Variants in FLNB observed in about 807,000 individuals in gnomAD.
The protein encoded by FLNB is filamin B.
FLNB carries 111 observed loss-of-function variants against 250.6 expected under a neutral mutation model. That is an observed-to-expected ratio of 0.44 (90% CI 0.38 to 0.52). FLNB has a LOEUF of 0.52. Among genes scored for constraint, FLNB ranks in the 20% least tolerant of loss-of-function variants. The probability of loss-of-function intolerance (pLI) is 0.00; values close to 1 mark genes in which losing one functional copy is unlikely to be tolerated. For missense variants in FLNB, 2,869 were observed against 3,447.8 expected (o/e 0.83, Z 4.20); for synonymous variants, 1,302 against 1,372.1 (o/e 0.95, Z 1.13).
At chr3:58,125,339 C>T (rs756181103) in intron 22 of FLNB, among the ~76,000 whole-genome samples, 7 of 152,042 alleles carry the variant, frequency 4.6e-5, no homozygotes, top group Admixed American at 6.6e-5. Context: ...CGCCATGTTG[C>T]CCAGGCTGGT....
Position 58,159,586 on chromosome 3 carries a change from C to A in FLNB, c.6921C>A (p.Ser2307=). The A allele has an allele frequency of 6.2e-7, 1 of 1,614,158 alleles. No homozygotes were observed. The highest frequency in any genetic ancestry group is 8.5e-7 in the Non-Finnish European group (1 of 1,180,028). The change falls in exon 42 of 46, where the codon TCC becomes TCA. Residue 2307 remains serine, a synonymous_variant. Coordinates refer to ENST00000295956, the MANE Select transcript of FLNB (RefSeq NM_001457.4). The part of the protein sequence containing the change: ...ESGLKVNQPA[S]FAIRLNGAKG... Reference sequence around the variant, plus strand: ...GATTAAAAGTTAACCAGCCAGCATCCTTTGCTATAAGGTTGAATGGCGCAA... The same window carrying A: ...GATTAAAAGTTAACCAGCCAGCATCATTTGCTATAAGGTTGAATGGCGCAA...
intron 20 of FLNB, among the ~76,000 whole-genome samples, chr3:58,122,182 A>T (rs1420093270): frequency 6.7e-6 from 1 of 149,088 alleles, no homozygotes; most frequent in Admixed American, 6.7e-5. Context: ...AAAAAAAAAA[A>T]AAAAACCACA....
intron 4 of FLNB, among the ~76,000 whole-genome samples, chr3:58,085,890 C>A (rs1044348620): frequency 6.6e-6 from 1 of 152,148 alleles, no homozygotes; most frequent in Non-Finnish European, 1.5e-5. Flanking sequence ...CCAACCCAAG[C>A]CCAGACCTTT....
rs758871764 is a variant in FLNB, at chr3:58,152,788, T to C, written c.6368-587T>C. 2.3e-6 allele frequency: 3 copies of C among 1,327,804 alleles called. No individual in the cohort carries two copies. In the African/African-American group the frequency reaches 4.4e-5, roughly 20 times the overall value. 82.3% of individuals were successfully genotyped at this position (1,327,804 alleles called of 1,614,324 possible). ...TCATACTGGCTCTAGGTGATGGCAG[T>C]GCTCCGTGCCCCGCATGCGGCCGCC... On this transcript the variant is annotated intron_variant, in intron 38 of 45. Transcript: ENST00000295956.
Position 58,037,431 on chromosome 3 carries a change from C to A in FLNB, c.292+28575C>A, listed in dbSNP as rs562452461. On this transcript the variant is annotated intron_variant, in intron 1 of 45. Transcript: ENST00000295956. Reference sequence around the variant, plus strand: ...GTGGGCTGCTAGCATTGGCTTCAACCTTCATATCAGCCAGCTAAAGCCCCT... The same window carrying A: ...GTGGGCTGCTAGCATTGGCTTCAACATTCATATCAGCCAGCTAAAGCCCCT... Among the ~76,000 whole-genome samples, 30 of 152,344 alleles carry A rather than the reference C, an allele frequency of 2.0e-4. No individual in the cohort carries two copies. The East Asian group carries it at 5.6e-3, about 28-fold the overall frequency.
chr3:58,171,094 A>G lies in FLNB; in HGVS notation c.*332A>G, dbSNP rs1169415302. ...ACATTTCAAAAAAACAAAACTGGCT[A>G]GCCTGAGCTGCTGGTTCACTCTTCA... On this transcript the variant is annotated 3_prime_UTR_variant, in exon 46 of 46. Transcript: ENST00000295956. This position sits in a 1 kb window ranked among gnomAD's most constrained non-coding sequence, Gnocchi z 5.5. The G allele has an allele frequency of 6.6e-6, 2 of 303,116 alleles. No homozygotes were observed. Among genetic ancestry groups the G allele is most frequent in the African/African-American group, 4.3e-5 (2 of 46,160 alleles). 18.8% of individuals were successfully genotyped at this position (303,116 alleles called of 1,614,324 possible). A position where few individuals can be genotyped will look rare whatever the true frequency, so the allele number is the denominator to read the frequency against.
intron 1 of FLNB, among the ~76,000 whole-genome samples, chr3:58,039,038 TTAAA>T (rs1425224911): frequency 1.4e-5 from 2 of 147,394 alleles, no homozygotes; most frequent in Non-Finnish European, 1.5e-5. Context: ...TTTTTTTTTT[TTAAA>T]AAAAAGACAA....
intron 42 of FLNB, among the ~76,000 whole-genome samples, chr3:58,160,926 T>C (rs980256962): frequency 3.9e-5 from 6 of 152,292 alleles, no homozygotes; most frequent in African/African-American, 1.4e-4. Context: ...GAGACTGCTG[T>C]GAGCTGTGAT....
At chr3:58,074,432 C>T (rs534338946) in intron 1 of FLNB, among the ~76,000 whole-genome samples, 2 of 152,172 alleles carry the variant, frequency 1.3e-5, no homozygotes, top group South Asian at 2.1e-4. Flanking sequence ...TCAGATTATC[C>T]TCCCCAGGAT....
At chr3:58,026,849 T>C (rs1031244898) in intron 1 of FLNB, among the ~76,000 whole-genome samples, 1 of 152,176 alleles carries the variant, frequency 6.6e-6, no homozygotes, top group African/African-American at 2.4e-5. Flanking sequence ...TTCCCAAAGG[T>C]AGAATTTGTG....
At position 58,138,421 on chromosome 3, in the gene FLNB, T is replaced by C; in HGVS notation, c.5001T>C (p.Asn1667=). Residue 1667 remains asparagine, a synonymous_variant, in exon 29 of 46, where the codon AAT becomes AAC. Transcript: ENST00000295956. ...AGGCCGAGGCCGATGTCATTGAGAA[T>C]GAAGATGGAACCTATGACATCTTCT... ...GTEAEADVIE[N]EDGTYDIFYT... 1.9e-6 allele frequency: 3 copies of C among 1,614,202 alleles called. No individual in the cohort carries two copies. The highest frequency in any genetic ancestry group is 2.2e-5 in the East Asian group (1 of 44,884).
In FLNB at chr3:58,008,577, G is replaced by A; in HGVS notation, c.13G>A (p.Glu5Lys). 1 of 1,599,056 alleles carries A rather than the reference G, an allele frequency of 6.3e-7. No individual in the cohort carries two copies. Among genetic ancestry groups the A allele is most frequent in the Non-Finnish European group, 8.5e-7 (1 of 1,173,630 alleles). ...CCCCGCCACCAGGATGCCGGTAACC[G>A]AGAAGGATCTAGCTGAGGACGCGCC... is the stretch of plus-strand genomic sequence containing the variant. The part of the protein sequence containing the change: MPVT[E>K]KDLAEDAPWK... The change falls in exon 1 of 46, where the codon GAG becomes AAG. Residue 5 changes from glutamate (E) to lysine (K), a missense_variant. Glu to Lys is a moderately conservative substitution (Grantham distance 56). Coordinates refer to ENST00000295956, the MANE Select transcript of FLNB (RefSeq NM_001457.4).
chr3:58,040,144 A>C (rs999648902), intron 1 of FLNB, among the ~76,000 whole-genome samples: 1 of 152,174 alleles, frequency 6.6e-6, no homozygotes, highest in African/African-American at 2.4e-5. Context: ...ATCTCAAAAA[A>C]AGAAGCAAGC....
intron 10 of FLNB, 53 bp downstream of exon 10, chr3:58,104,138 G>T: frequency 6.2e-7 from 1 of 1,600,302 alleles, no homozygotes; most frequent in Non-Finnish European, 8.5e-7. Flanking sequence ...GGCCCAGGGC[G>T]GACTCATGGG....
Position 58,138,546 on chromosome 3 carries a change from C to G in FLNB, c.5109+17C>G. ...ACTGTCATGGTAAGGAAAATTCCTT[C>G]TCCCGAGCATGCTGTTATTGGTGGA... is the stretch of plus-strand genomic sequence containing the variant. On this transcript the variant is annotated intron_variant, in intron 29 of 45. Transcript: ENST00000295956. The G allele has an allele frequency of 6.2e-7, 1 of 1,614,052 alleles. No homozygotes were observed.
intron 1 of FLNB, among the ~76,000 whole-genome samples, chr3:58,043,283 C>T (rs1212544003): frequency 1.3e-5 from 2 of 151,678 alleles, no homozygotes; most frequent in African/African-American, 4.9e-5. Context: ...TACAGGCACA[C>T]TCCACCGTGT....
In FLNB at chr3:58,078,545, G is replaced by C. The variant is rs562425908; in HGVS notation, c.542-172G>C. 6.7e-5 allele frequency: 103 copies of C among 1,535,428 alleles called. No homozygotes were observed. The African/African-American group carries it at 1.2e-3, about 18-fold the overall frequency. ...GTAATGGAGGATAGTTTACACCCTG[G>C]CACACTCATACCTGTGATACTTTTT... On this transcript the variant is annotated intron_variant, in intron 2 of 45. Coordinates refer to ENST00000295956, the MANE Select transcript of FLNB (RefSeq NM_001457.4).
chr3:58,026,991 T>G (rs889659679), intron 1 of FLNB, among the ~76,000 whole-genome samples: 1 of 152,188 alleles, frequency 6.6e-6, no homozygotes, highest in Non-Finnish European at 1.5e-5. Context: ...CTTTTGTTTC[T>G]CCAGCTACTA....
At chr3:58,115,103 A>G (rs1263391848) in intron 18 of FLNB, among the ~76,000 whole-genome samples, 1 of 152,208 alleles carries the variant, frequency 6.6e-6, no homozygotes, top group Non-Finnish European at 1.5e-5. Flanking sequence ...AAAACAAAAC[A>G]TTCATTATTA....
Sources: allele counts gnomAD v4.1 joint callset (sites outside exome capture counted in the v4.1 genomes callset), GRCh38; gene constraint gnomAD v4.1.1; non-coding constraint Gnocchi (gnomAD v3.1); transcripts MANE v1.5; gene names NCBI Gene and HGNC (gene_info 2026-07-23, HGNC 2026-07-21).